Variants in PAQR5 observed in about 807,000 individuals in gnomAD.
PAQR5 encodes the protein progestin and adipoQ receptor family member 5.
A neutral mutation model predicts 34.5 loss-of-function variants in PAQR5; 20 were observed. The ratio of observed to expected loss-of-function variants is 0.58; its 90% CI spans 0.41 to 0.84. The LOEUF (loss-of-function observed/expected upper bound fraction) is 0.84. PAQR5 is among the 40% of genes least tolerant of loss of function. The pLI is 0.00. For synonymous variants in PAQR5, 131 were observed against 155.6 expected (o/e 0.84, Z 1.18); for missense variants, 378 against 412.7 (o/e 0.92, Z 0.73).
At chr15:69,395,562 G>A (rs2056399658) in intron 6 of PAQR5, among the ~76,000 whole-genome samples, 1 of 152,168 alleles carries the variant, frequency 6.6e-6, no homozygotes, top group East Asian at 1.9e-4. Flanking sequence ...CGGGAGCATC[G>A]TTTCATCAAA....
At chr15:69,399,409 A>C (rs1322193883) in intron 7 of PAQR5, among the ~76,000 whole-genome samples, 2 of 152,204 alleles carry the variant, frequency 1.3e-5, no homozygotes, top group Admixed American at 6.5e-5. Context: ...GTAAGAATAC[A>C]ATATATAATA....
In PAQR5 at chr15:69,329,463, CTTTTTT is replaced by C. The variant is rs1038357937; in HGVS notation, c.-276-7858_-276-7853del. 7.0e-3 allele frequency among the ~76,000 whole-genome samples: 518 copies of C among 73,758 alleles called. 2 individuals are homozygous for C. Among genetic ancestry groups the C allele is most frequent in the African/African-American group, 0.025 (435 of 17,508 alleles). 48.4% of individuals were successfully genotyped at this position (73,758 alleles called of 152,430 possible). ...TTTTACCTAAATTTATTTTTTCTTT[CTTTTTT>C]TTTTTTTTTTTTTTTTTTTGGAGAG... On this transcript the variant is annotated intron_variant, in intron 1 of 8. Coordinates refer to ENST00000395407, the MANE Select transcript of PAQR5 (RefSeq NM_017705.4).
At position 69,385,878 on chromosome 15, in the gene PAQR5, CAT is replaced by C. The variant is rs1461805805; in HGVS notation, c.385+997_385+998del. On this transcript the variant is annotated intron_variant, in intron 5 of 8. Transcript: ENST00000395407. This position sits in a 1 kb window ranked among gnomAD's most constrained non-coding sequence, Gnocchi z 4.7. ...ATGCACACACACACACCACATGCCACATGTACTCACACATTGACACACACACA... is the reference window on the plus strand; with the variant it reads ...ATGCACACACACACACCACATGCCACGTACTCACACATTGACACACACACA... Among the ~76,000 whole-genome samples the C allele has an allele frequency of 6.6e-6, 1 of 150,934 alleles. No individual in the cohort carries two copies. The highest frequency in any genetic ancestry group is 1.5e-5 in the Non-Finnish European group (1 of 67,664).
At chr15:69,375,151 TC>T (rs1202616527) in intron 3 of PAQR5, among the ~76,000 whole-genome samples, 2 of 152,200 alleles carry the variant, frequency 1.3e-5, no homozygotes, top group African/African-American at 4.8e-5. Context: ...TTCTCGCAGT[TC>T]CGGAGACTGA....
At chr15:69,397,250 G>A (rs1433945547) in intron 6 of PAQR5, 1 of 683,740 alleles carries the variant, frequency 1.5e-6, no homozygotes, top group Admixed American at 2.0e-5. Flanking sequence ...GTCAGGAGAT[G>A]GTGTCCCTGG....
intron 1 of PAQR5, among the ~76,000 whole-genome samples, chr15:69,303,741 G>A (rs892212277): frequency 7.2e-5 from 11 of 152,120 alleles, no homozygotes; most frequent in African/African-American, 2.7e-4. Context: ...GCAGCCAGAG[G>A]CCCAGGGAAG....
chr15:69,391,245 T>C (rs2056262816), intron 6 of PAQR5: 1 of 154,262 alleles, frequency 6.5e-6, no homozygotes, highest in Non-Finnish European at 1.4e-5. Flanking sequence ...GGGTGACACT[T>C]GGGATGTGTG....
intron 2 of PAQR5, among the ~76,000 whole-genome samples, chr15:69,347,619 G>A (rs2054808787): frequency 6.6e-6 from 1 of 152,112 alleles, no homozygotes; most frequent in Non-Finnish European, 1.5e-5. Context: ...AGTGGTCTCT[G>A]GGTGTCTTAG....
At chr15:69,341,466 C>T (rs1169624327) in intron 2 of PAQR5, among the ~76,000 whole-genome samples, 1 of 151,266 alleles carries the variant, frequency 6.6e-6, no homozygotes, top group East Asian at 1.9e-4. Context: ...AAGTAGTCCC[C>T]CCACCTCAGC....
intron 1 of PAQR5, among the ~76,000 whole-genome samples, chr15:69,307,160 T>C (rs1406440307): frequency 6.6e-6 from 1 of 152,020 alleles, no homozygotes; most frequent in Non-Finnish European, 1.5e-5. Context: ...AGTGGCACGA[T>C]CTCGGCTTGT....
chr15:69,362,335 G>GT, intron 3 of PAQR5, among the ~76,000 whole-genome samples: 1 of 152,194 alleles, frequency 6.6e-6, no homozygotes, highest in East Asian at 1.9e-4. Flanking sequence ...CCACTATTGG[G>GT]TTTTTGGGCA....
intron 2 of PAQR5, among the ~76,000 whole-genome samples, chr15:69,355,845 C>G (rs945212818): frequency 5.9e-5 from 9 of 151,958 alleles, no homozygotes. Flanking sequence ...CTCTATTCTG[C>G]GTATCACAAA....
rs200666524 is a variant in PAQR5, at chr15:69,367,670, GAGA to G, written c.51+7549_51+7551del. Among the ~76,000 whole-genome samples, 334 of 152,328 alleles carry G rather than the reference GAGA, an allele frequency of 2.2e-3. 1 individual carries two copies. The highest frequency in any genetic ancestry group is 7.6e-3 in the African/African-American group (314 of 41,574). On this transcript the variant is annotated intron_variant, in intron 3 of 8. Transcript: ENST00000395407. ...CTGGGCCAGGTTCAAGCTTGGATGG[GAGA>G]AGAAGAAGAGAAAGTTAGTTTCCCT... is the stretch of plus-strand genomic sequence containing the variant.
At chr15:69,348,055 ACCACCAACAT>A (rs1261053110) in intron 2 of PAQR5, among the ~76,000 whole-genome samples, 2 of 152,140 alleles carry the variant, frequency 1.3e-5, no homozygotes, top group Admixed American at 6.5e-5. Flanking sequence ...GGGTCCATGG[ACCACCAACAT>A]CCTTCCCATC....
At chr15:69,382,630 C>T (rs1405495202) in intron 4 of PAQR5, among the ~76,000 whole-genome samples, 1 of 87,208 alleles carries the variant, frequency 1.1e-5, no homozygotes, top group Non-Finnish European at 2.2e-5. Flanking sequence ...GGTGACAGAG[C>T]AAGACTCTGT....
rs576209891 is a variant in PAQR5 at position 69,321,160 on chromosome 15, A to C, written c.-276-16181A>C. ...TCCCACATGTTAGGAAAGTCTGTGAATAGAGTGGTAATTATTCTTGCAACA... is the reference window on the plus strand; with the variant it reads ...TCCCACATGTTAGGAAAGTCTGTGACTAGAGTGGTAATTATTCTTGCAACA... On this transcript the variant is annotated intron_variant, in intron 1 of 8. Coordinates refer to ENST00000395407, the MANE Select transcript of PAQR5 (RefSeq NM_017705.4). Among the ~76,000 whole-genome samples the C allele has an allele frequency of 5.3e-5, 8 of 152,358 alleles. No homozygotes were observed. The East Asian group carries it at 1.5e-3, about 29-fold the overall frequency.
intron 2 of PAQR5, among the ~76,000 whole-genome samples, chr15:69,351,738 T>C (rs1387197569): frequency 6.6e-6 from 1 of 152,212 alleles, no homozygotes; most frequent in Non-Finnish European, 1.5e-5. Flanking sequence ...TTTGCTTACA[T>C]AGAGGGTGAG....
chr15:69,359,483 C>T (rs1427884265), intron 2 of PAQR5, among the ~76,000 whole-genome samples: 2 of 151,828 alleles, frequency 1.3e-5, no homozygotes, highest in East Asian at 1.9e-4. Context: ...GTGAGAGGGT[C>T]GTGATTGATT....
Position 69,385,575 on chromosome 15 carries a change from G to A in PAQR5, c.385+693G>A, listed in dbSNP as rs558026966. On this transcript the variant is annotated intron_variant, in intron 5 of 8. Coordinates refer to ENST00000395407, the MANE Select transcript of PAQR5 (RefSeq NM_017705.4). This position sits in a 1 kb window ranked among gnomAD's most constrained non-coding sequence, Gnocchi z 4.7. ...TTTGACTATGATGCTCCCTCCTCTG[G>A]CCTCTTCTCTCCTCCCCTTGTGGGC... Among the ~76,000 whole-genome samples the A allele has an allele frequency of 6.6e-5, 10 of 152,090 alleles. No individual in the cohort carries two copies. Among genetic ancestry groups the A allele is most frequent in the African/African-American group, 2.4e-4 (10 of 41,454 alleles).
Sources: gnomAD v4.1 joint callset for allele counts (sites outside exome capture counted in the v4.1 genomes callset) on GRCh38, gnomAD v4.1.1 for gene constraint, Gnocchi (gnomAD v3.1) non-coding constraint, MANE v1.5 for transcripts, NCBI Gene and HGNC (gene_info 2026-07-23, HGNC 2026-07-21) for gene names.